PSAT1: variants seen among roughly 807,000 people sequenced by gnomAD.
The protein encoded by PSAT1 is phosphoserine aminotransferase.
A neutral mutation model predicts 40.3 loss-of-function variants in PSAT1; 41 were observed. The observed-to-expected ratio is 1.02, with a 90% confidence interval of 0.79 to 1.32. The LOEUF (loss-of-function observed/expected upper bound fraction) is 1.32. Ranked by LOEUF, PSAT1 falls within the 40% of genes most tolerant of loss-of-function variation. The pLI is 0.00. For missense variants in PSAT1, 406 were observed against 455.8 expected (o/e 0.89, Z 0.99); for synonymous variants, 147 against 170.5 (o/e 0.86, Z 1.07).
intron 6 of PSAT1, among the ~76,000 whole-genome samples, chr9:78,311,162 A>C (rs577171859): frequency 6.6e-6 from 1 of 152,270 alleles, no homozygotes; most frequent in East Asian, 1.9e-4. Context: ...ACCAGTGGTC[A>C]CTGGCCAACT....
chr9:78,302,089 A>T, intron 3 of PSAT1, 66 bp downstream of exon 3: 1 of 1,095,274 alleles, frequency 9.1e-7, no homozygotes, highest in Non-Finnish European at 1.4e-6. Flanking sequence ...GATGTCTTCC[A>T]GTATTTTCTA....
chr9:78,300,108 G>A (rs1184699399), intron 1 of PSAT1, among the ~76,000 whole-genome samples: 3 of 152,168 alleles, frequency 2.0e-5, no homozygotes, highest in Admixed American at 6.5e-5. Context: ...CATTGTGCCA[G>A]TCTTGTTGCA....
At chr9:78,299,351 G>A (rs1828073722) in intron 1 of PSAT1, among the ~76,000 whole-genome samples, 1 of 151,848 alleles carries the variant, frequency 6.6e-6, no homozygotes, top group Non-Finnish European at 1.5e-5. Context: ...AGTCTCAGGA[G>A]CAAGTTCAAA....
intron 6 of PSAT1, among the ~76,000 whole-genome samples, 189 bp downstream of exon 6, chr9:78,308,772 A>G (rs997809779): frequency 6.6e-6 from 1 of 152,176 alleles, no homozygotes; most frequent in African/African-American, 2.4e-5. Context: ...CCTGACCAAC[A>G]TGGTGAAACC....
chr9:78,312,839 G>A (rs915267300), intron 6 of PSAT1, among the ~76,000 whole-genome samples: 2 of 152,176 alleles, frequency 1.3e-5, no homozygotes, highest in African/African-American at 4.8e-5. Context: ...TCACAGAGGG[G>A]TGTGTAGTGG....
intron 6 of PSAT1, among the ~76,000 whole-genome samples, chr9:78,313,328 G>A (rs952877013): frequency 1.3e-5 from 2 of 152,202 alleles, no homozygotes; most frequent in African/African-American, 4.8e-5. Flanking sequence ...TCGTGCCACT[G>A]CACTCCAGCC....
chr9:78,302,235 G>T (rs1828117807), intron 3 of PSAT1, among the ~76,000 whole-genome samples: 1 of 152,058 alleles, frequency 6.6e-6, no homozygotes, highest in Admixed American at 6.6e-5. Flanking sequence ...TATTTTATGT[G>T]ATATTTCCAA....
chr9:78,324,966 T>C (rs915116578), intron 7 of PSAT1, among the ~76,000 whole-genome samples: 1 of 151,954 alleles, frequency 6.6e-6, no homozygotes, highest in Admixed American at 6.5e-5. Context: ...GCTTTTTTTT[T>C]GTTTGTTTCC....
Position 78,329,166 on chromosome 9 carries a change from AAC to A in PSAT1, c.*84_*85del. On this transcript the variant is annotated 3_prime_UTR_variant, in exon 9 of 9. Coordinates refer to ENST00000376588, the MANE Select transcript of PSAT1 (RefSeq NM_058179.4). The stretch of plus-strand genomic sequence containing the variant: ...AACTTGGGGATGGCTACAAAAAGTT[AAC>A]ACAGTATTTTTCTCAAATGAACATG... The A allele has an allele frequency of 9.9e-7, 1 of 1,013,848 alleles. No individual in the cohort carries two copies. The highest frequency in any genetic ancestry group is 1.6e-6 in the Non-Finnish European group (1 of 639,868). The allele number at this position is 1,013,848 out of a possible 1,614,324, so 62.8% of individuals were successfully genotyped here.
chr9:78,326,934 A>AATATATATAT (rs1210919066), intron 7 of PSAT1, among the ~76,000 whole-genome samples: 22 of 104,534 alleles, frequency 2.1e-4, no homozygotes, highest in East Asian at 9.1e-4. Flanking sequence ...AAGTGACAGC[A>AATATATATAT]ATATATATAT....
At chr9:78,327,752 A>T (rs1828522422) in intron 7 of PSAT1, among the ~76,000 whole-genome samples, 1 of 152,186 alleles carries the variant, frequency 6.6e-6, no homozygotes, top group Non-Finnish European at 1.5e-5. Flanking sequence ...GTACCACTAA[A>T]CCGTCACAAC....
chr9:78,317,351 C>G (rs986681105), intron 6 of PSAT1, among the ~76,000 whole-genome samples: 3 of 152,156 alleles, frequency 2.0e-5, no homozygotes, highest in African/African-American at 7.2e-5. Flanking sequence ...CCCCTGGGCT[C>G]AAGCATTCCT....
chr9:78,306,507 T>C (rs1828186642), intron 5 of PSAT1, 21 bp downstream of exon 5: 1 of 1,613,936 alleles, frequency 6.2e-7, no homozygotes, highest in African/African-American at 1.3e-5. Flanking sequence ...AAAGGCAGGG[T>C]GAGGGGAACC....
In PSAT1 at chr9:78,304,734, G is replaced by C; in HGVS notation, c.192-1G>C. 1 of 1,612,258 alleles carries C rather than the reference G, an allele frequency of 6.2e-7. No individual in the cohort carries two copies. The highest frequency in any genetic ancestry group is 1.1e-5 in the South Asian group (1 of 91,052). On this transcript the variant is annotated splice_acceptor_variant, in intron 3 of 8. Coordinates refer to ENST00000376588, the MANE Select transcript of PSAT1 (RefSeq NM_058179.4). LOFTEE classifies it high-confidence loss of function. ...TGACTGTTACCTATGCTTCTGCCCA[G>C]AGCTGTTCCAGACAACTATAAGGTG...
intron 3 of PSAT1, among the ~76,000 whole-genome samples, chr9:78,303,511 T>A (rs1828137997): frequency 1.3e-5 from 2 of 152,186 alleles, no homozygotes; most frequent in African/African-American, 4.8e-5. Context: ...TCCCACCTTG[T>A]ATACCTGTAC....
intron 2 of PSAT1, 48 bp downstream of exon 2, chr9:78,300,710 C>T (rs997426048): frequency 6.7e-4 from 746 of 1,107,466 alleles, no homozygotes; most frequent in Admixed American, 2.8e-3. Flanking sequence ...TCAAAGGAAG[C>T]TTTTTTTTTT....
At chr9:78,301,475 G>C (rs562605091) in intron 2 of PSAT1, among the ~76,000 whole-genome samples, 2 of 152,034 alleles carry the variant, frequency 1.3e-5, no homozygotes, top group African/African-American at 4.8e-5. Flanking sequence ...TATTTTTGGC[G>C]GTTCTGAAGA....
intron 7 of PSAT1, among the ~76,000 whole-genome samples, chr9:78,326,030 A>G (rs1054630032): frequency 1.3e-5 from 2 of 152,170 alleles, no homozygotes; most frequent in African/African-American, 4.8e-5. Context: ...TAGCCGTTGA[A>G]TGTTTATTTT....
intron 7 of PSAT1, among the ~76,000 whole-genome samples, chr9:78,325,859 A>G (rs572043763): frequency 6.6e-6 from 1 of 152,184 alleles, no homozygotes; most frequent in African/African-American, 2.4e-5. Context: ...TACTTTCATG[A>G]TAGGATGGGT....
Sources: allele counts gnomAD v4.1 joint callset (sites outside exome capture counted in the v4.1 genomes callset), GRCh38; gene constraint gnomAD v4.1.1; transcripts MANE v1.5; gene names NCBI Gene and HGNC (gene_info 2026-07-23, HGNC 2026-07-21).